The following DENND4C variants were observed in gnomAD, a reference collection of about 807,000 sequenced individuals.
DENND4C encodes DENN domain-containing protein 4C.
Under a neutral mutation model 203.0 loss-of-function variants are expected in DENND4C, and 108 were observed. That is an observed-to-expected ratio of 0.53 (90% confidence interval 0.46 to 0.62). The LOEUF (loss-of-function observed/expected upper bound fraction) is 0.62. Ranked by LOEUF, DENND4C falls within the 20% of genes least tolerant of loss-of-function variation. DENND4C has a pLI of 0.00. For missense variants in DENND4C, 2,481 were observed against 2,301.2 expected (o/e 1.08, Z -1.60); for synonymous variants, 871 against 792.4 (o/e 1.10, Z -1.67).
intron 1 of DENND4C, among the ~76,000 whole-genome samples, chr9:19,274,097 C>T (rs892830551): frequency 6.6e-6 from 1 of 151,964 alleles, no homozygotes; most frequent in Non-Finnish European, 1.5e-5. Context: ...ACTGTTGATA[C>T]AAGCAACAAC....
At chr9:19,294,507 C>T (rs1285212568) in intron 5 of DENND4C, among the ~76,000 whole-genome samples, 2 of 152,078 alleles carry the variant, frequency 1.3e-5, no homozygotes, top group Non-Finnish European at 2.9e-5. Context: ...TTAGAATTAC[C>T]ATATGATCGA....
At position 19,372,316 on chromosome 9, in the gene DENND4C, A is replaced by G; in HGVS notation, c.*143A>G. 9.9e-7 allele frequency: 1 copy of G among 1,005,078 alleles called. No individual in the cohort carries two copies. Among genetic ancestry groups the G allele is most frequent in the Non-Finnish European group, 1.4e-6 (1 of 700,004 alleles). 62.3% of individuals were successfully genotyped at this position (1,005,078 alleles called of 1,614,324 possible). A position where few individuals can be genotyped will look rare whatever the true frequency, so the allele number is the denominator to read the frequency against. On this transcript the variant is annotated 3_prime_UTR_variant, in exon 33 of 33. Coordinates refer to ENST00000434457, the MANE Select transcript of DENND4C (RefSeq NM_001330640.2). ...TGGGGACAATATATAATGAATTATG[A>G]TTCATATTGCATTACCTTGAAATAT...
chr9:19,296,389 G>C (rs1837468021), intron 6 of DENND4C, 143 bp downstream of exon 6: 1 of 611,750 alleles, frequency 1.6e-6, no homozygotes, highest in Non-Finnish European at 2.8e-6. Flanking sequence ...TTTTGAGATG[G>C]AGTATTGCTC....
At chr9:19,244,985 A>G (rs796551898) in intron 1 of DENND4C, among the ~76,000 whole-genome samples, 11 of 152,304 alleles carry the variant, frequency 7.2e-5, no homozygotes, top group African/African-American at 2.6e-4. Flanking sequence ...AAAAAACTTT[A>G]TTAGAAGTTC....
At chr9:19,276,717 A>G (rs1832960872) in intron 2 of DENND4C, 2 of 308,220 alleles carry the variant, frequency 6.5e-6, no homozygotes, top group Non-Finnish European at 1.2e-5. Context: ...AGAATATTGA[A>G]ATGAAGACAT....
intron 1 of DENND4C, among the ~76,000 whole-genome samples, chr9:19,256,729 A>C (rs55848014): frequency 0.03 from 4,505 of 152,180 alleles, 217 homozygotes; most frequent in African/African-American, 0.1. Flanking sequence ...TCCGAGAAAA[A>C]ATACTTTAAA....
chr9:19,233,749 C>A (rs1367277567), intron 1 of DENND4C, among the ~76,000 whole-genome samples: 2 of 151,924 alleles, frequency 1.3e-5, no homozygotes, highest in Admixed American at 6.6e-5. Flanking sequence ...CCTGCCACCA[C>A]GCCTGGCTAA....
At chr9:19,239,958 A>T (rs771179607) in intron 1 of DENND4C, among the ~76,000 whole-genome samples, 3 of 152,154 alleles carry the variant, frequency 2.0e-5, no homozygotes, top group Non-Finnish European at 2.9e-5. Flanking sequence ...CAGATCTTAC[A>T]TATTTTTAAT....
chr9:19,289,828 C>CAAAAAAA (rs377068068), intron 4 of DENND4C, among the ~76,000 whole-genome samples: 1 of 126,776 alleles, frequency 7.9e-6, no homozygotes, highest in Non-Finnish European at 1.6e-5. Flanking sequence ...GATCCTGTCT[C>CAAAAAAA]AAAAAAAAAA....
chr9:19,342,660 C>G lies in DENND4C; in HGVS notation c.3032C>G (p.Ala1011Gly). 6.2e-7 allele frequency: 1 copy of G among 1,608,272 alleles called. No individual in the cohort carries two copies. The highest frequency in any genetic ancestry group is 8.5e-7 in the Non-Finnish European group (1 of 1,177,844). ...GTGTGTGATGCCTCTGCTATTGTGGCAAAACATTCACAACCTAGTCCAGAG... is the reference window on the plus strand; with the variant it reads ...GTGTGTGATGCCTCTGCTATTGTGGGAAAACATTCACAACCTAGTCCAGAG... ...EEVCDASAIV[A>G]KHSQPSPEPH... Residue 1011 changes from alanine to glycine, a missense_variant, in exon 22 of 33, where the codon GCA (alanine) becomes GGA (glycine). Transcript: ENST00000434457.
chr9:19,315,115 G>A (rs1173812218), intron 10 of DENND4C, among the ~76,000 whole-genome samples: 14 of 138,480 alleles, frequency 1.0e-4, no homozygotes, highest in South Asian at 6.7e-4. Context: ...AGCTGAGATC[G>A]TACCACTGCA....
Position 19,350,893 on chromosome 9 carries a change from T to A in DENND4C, c.4495+14T>A. 1 of 1,584,588 alleles carries A rather than the reference T, an allele frequency of 6.3e-7. No individual in the cohort carries two copies. Among genetic ancestry groups the A allele is most frequent in the Non-Finnish European group, 8.6e-7 (1 of 1,166,098 alleles). ...ATTATCCAACAGGTATGGGGAAGGA[T>A]TATCCTTTCTTCATTTGCTTTATAA... is the stretch of plus-strand genomic sequence containing the variant. On this transcript the variant is annotated intron_variant, in intron 24 of 32. Transcript: ENST00000434457.
At chr9:19,314,504 TC>T (rs1233128320) in intron 10 of DENND4C, among the ~76,000 whole-genome samples, 3 of 152,086 alleles carry the variant, frequency 2.0e-5, no homozygotes, top group Non-Finnish European at 4.4e-5. Flanking sequence ...ATCTCAGAAA[TC>T]ACCACTAAAG....
chr9:19,258,474 A>G (rs1828530383), intron 1 of DENND4C, among the ~76,000 whole-genome samples: 1 of 152,316 alleles, frequency 6.6e-6, no homozygotes, highest in Middle Eastern at 3.4e-3. Context: ...ATTCAAGAAC[A>G]TATAAAAAGG....
At chr9:19,312,221 A>G (rs1840877755) in intron 10 of DENND4C, among the ~76,000 whole-genome samples, 2 of 152,162 alleles carry the variant, frequency 1.3e-5, no homozygotes, top group Admixed American at 1.3e-4. Flanking sequence ...CTTATGCCTC[A>G]GCCTCCCGAG....
rs143911798 is a variant in DENND4C, at chr9:19,360,338, A to G, written c.5255A>G (p.Asn1752Ser). 3 of 1,614,112 alleles carry G rather than the reference A, an allele frequency of 1.9e-6. No individual in the cohort carries two copies. Among genetic ancestry groups the G allele is most frequent in the Non-Finnish European group, 8.5e-7 (1 of 1,180,002 alleles). Residue 1752 changes from asparagine (N) to serine (S), a missense_variant, in exon 29 of 33, where the codon AAT (asparagine) becomes AGT (serine). Asn to Ser is a conservative substitution (Grantham distance 46). Transcript: ENST00000434457. ...LRKELESLLE[N>S]EGDQVIHTSS... ...AAAGAACTTGAATCTTTGCTAGAAA[A>G]TGAAGGTGATCAGGTGATTCATACA...
chr9:19,243,438 A>C (rs1824280893), intron 1 of DENND4C, among the ~76,000 whole-genome samples: 1 of 152,208 alleles, frequency 6.6e-6, no homozygotes, highest in African/African-American at 2.4e-5. Flanking sequence ...ATGTCATGCA[A>C]GTATTACCAC....
At chr9:19,320,717 A>G (rs777188509) in intron 12 of DENND4C, among the ~76,000 whole-genome samples, 3 of 152,176 alleles carry the variant, frequency 2.0e-5, no homozygotes, top group Non-Finnish European at 4.4e-5. Flanking sequence ...AGGCACATAC[A>G]TGTCTGGCTG....
At chr9:19,295,198 C>T (rs563013875) in intron 5 of DENND4C, among the ~76,000 whole-genome samples, 32 of 151,316 alleles carry the variant, frequency 2.1e-4, no homozygotes, top group East Asian at 1.2e-3. Flanking sequence ...AGTGAAACCC[C>T]GTCTCTACTA....
Sources: allele counts gnomAD v4.1 joint callset (sites outside exome capture counted in the v4.1 genomes callset), GRCh38; gene constraint gnomAD v4.1.1; transcripts MANE v1.5; gene names NCBI Gene and HGNC (gene_info 2026-07-23, HGNC 2026-07-21).